Variants in BICC1 observed in about 807,000 individuals in gnomAD.
BICC1 encodes protein bicaudal C homolog 1.
In BICC1, 43 loss-of-function variants were observed where a neutral mutation model predicts 111.0. The observed-to-expected ratio is 0.39, with a 90% CI of 0.30 to 0.50. BICC1 has a LOEUF of 0.50. BICC1 is among the 20% of genes least tolerant of loss of function. BICC1 has a pLI of 0.88. For missense variants in BICC1, 1,091 were observed against 1,203.2 expected, an observed-to-expected ratio of 0.91 and a Z score of 1.38; for synonymous variants, 467 against 434.4, an observed-to-expected ratio of 1.07 and a Z score of -0.93.
At chr10:58,551,825 A>G (rs1843303042) in intron 1 of BICC1, among the ~76,000 whole-genome samples, 1 of 152,128 alleles carries the variant, frequency 6.6e-6, no homozygotes, top group Non-Finnish European at 1.5e-5. Flanking sequence ...TGCTGTTTTA[A>G]GTTGCTAAGT....
intron 2 of BICC1, among the ~76,000 whole-genome samples, chr10:58,676,428 G>T (rs1839343240): frequency 6.6e-6 from 1 of 152,168 alleles, no homozygotes; most frequent in African/African-American, 2.4e-5. Context: ...GGATGCTCGA[G>T]CTTGGTAGGG....
chr10:58,760,787 A>G (rs1256624723), intron 3 of BICC1, among the ~76,000 whole-genome samples: 2 of 152,104 alleles, frequency 1.3e-5, no homozygotes, highest in Non-Finnish European at 2.9e-5. Flanking sequence ...GGCTTTTTCT[A>G]ATGGGAGGAG....
intron 1 of BICC1, among the ~76,000 whole-genome samples, chr10:58,529,190 T>A (rs1052209131): frequency 4.0e-5 from 6 of 151,792 alleles, no homozygotes; most frequent in African/African-American, 1.4e-4. Flanking sequence ...AAGTAGGATC[T>A]TTTTGTCACA....
chr10:58,573,128 A>G lies in BICC1; in HGVS notation c.191-47727A>G, dbSNP rs548842763. Among the ~76,000 whole-genome samples the G allele has an allele frequency of 3.9e-5, 6 of 152,122 alleles. No homozygotes were observed. The South Asian group carries it at 8.3e-4, about 21-fold the overall frequency. On this transcript the variant is annotated intron_variant, in intron 1 of 20. Transcript: ENST00000373886. ...TGTTCTTCCTGCTTGGCTCTCTCCC[A>G]TTCTGCCTCTACTTTCTCTTCCCTC...
intron 2 of BICC1, among the ~76,000 whole-genome samples, chr10:58,686,926 C>T (rs10763578): frequency 0.69 from 104,516 of 152,130 alleles, 39,594 homozygotes; most frequent in East Asian, 0.88. Context: ...CGAGGAGGCG[C>T]GTTCTTTTTG....
At chr10:58,798,968 A>C in intron 11 of BICC1, 88 bp from the exon 12 acceptor site, 1 of 1,058,946 alleles carries the variant, frequency 9.4e-7, no homozygotes, top group Non-Finnish European at 1.3e-6. Context: ...AACTTGCAGC[A>C]ACAAAAATGA....
chr10:58,564,335 G>A (rs1649049), intron 1 of BICC1, among the ~76,000 whole-genome samples: 69,946 of 152,014 alleles, frequency 0.46, 17,154 homozygotes, highest in Admixed American at 0.62. Flanking sequence ...TGATCATGGT[G>A]TCTGAACCAG....
chr10:58,789,689 C>T lies in BICC1; in HGVS notation c.803C>T (p.Thr268Ile), dbSNP rs777414917. The change falls in exon 8 of 21, where the codon ACT becomes ATT. Residue 268 changes from threonine (T) to isoleucine (I), a missense_variant. Around this residue, in one of 3 missense-constraint regions of BICC1, gnomAD observed 843 missense variants for 900.8 expected, o/e 0.94. Coordinates refer to ENST00000373886, the MANE Select transcript of BICC1 (RefSeq NM_001080512.3). ...CCCACCCTTTTCTCTTAGGAAGGAA[C>T]TGCCATGCTGTTAGAACATCTTGCT... ...QNNTSAVKEG[T>I]AMLLEHLAGS... The T allele has an allele frequency of 2.5e-6, 4 of 1,614,096 alleles. No homozygotes were observed. Among genetic ancestry groups the T allele is most frequent in the South Asian group, 2.2e-5 (2 of 91,070 alleles).
chr10:58,525,999 T>TC (rs1842531115), intron 1 of BICC1, among the ~76,000 whole-genome samples: 1 of 151,954 alleles, frequency 6.6e-6, no homozygotes, highest in East Asian at 2.0e-4. Context: ...GGCTTTTTTT[T>TC]CTTCGTGACT....
chr10:58,636,581 TCTCCTC>T (rs200677624), intron 2 of BICC1, among the ~76,000 whole-genome samples: 121 of 149,264 alleles, frequency 8.1e-4, no homozygotes, highest in East Asian at 7.7e-3. Context: ...CACATCATTG[TCTCCTC>T]CTCCTCCTCC....
intron 10 of BICC1, among the ~76,000 whole-genome samples, 153 bp downstream of exon 10, chr10:58,796,679 C>A (rs1401693699): frequency 6.6e-6 from 1 of 151,998 alleles, no homozygotes; most frequent in Non-Finnish European, 1.5e-5. Flanking sequence ...TGAATCAATC[C>A]ATTTTGGGGT....
At chr10:58,646,127 T>C (rs549355877) in intron 2 of BICC1, among the ~76,000 whole-genome samples, 1 of 152,290 alleles carries the variant, frequency 6.6e-6, no homozygotes, top group South Asian at 2.1e-4. Context: ...TATTTTTTGT[T>C]TGTTCATTCG....
rs141861504 is a variant in BICC1, at chr10:58,596,126, C to A, written c.191-24729C>A. Among the ~76,000 whole-genome samples the A allele has an allele frequency of 2.4e-4, 37 of 152,310 alleles. No homozygotes were observed. The East Asian group carries it at 6.7e-3, about 28-fold the overall frequency. ...AAAATCTAGAAGAAATGGACAAATT[C>A]TTGGACACATACACCCTCCCAAGGC... On this transcript the variant is annotated intron_variant, in intron 1 of 20. Transcript: ENST00000373886.
At chr10:58,785,325 CAT>C (rs1842981140) in intron 4 of BICC1, among the ~76,000 whole-genome samples, 1 of 152,056 alleles carries the variant, frequency 6.6e-6, no homozygotes, top group Non-Finnish European at 1.5e-5. Context: ...CATCTACATA[CAT>C]ATATATGTAT....
At chr10:58,817,277 C>T (rs553050643) in intron 18 of BICC1, among the ~76,000 whole-genome samples, 18 of 152,264 alleles carry the variant, frequency 1.2e-4, no homozygotes, top group African/African-American at 4.3e-4. Context: ...CTTCTGACTA[C>T]TCAGGGAGAA....
chr10:58,634,658 A>G (rs541689912), intron 2 of BICC1, among the ~76,000 whole-genome samples: 2 of 152,248 alleles, frequency 1.3e-5, no homozygotes, highest in African/African-American at 4.8e-5. Context: ...TTTACTCTTG[A>G]ACAACACAGT....
chr10:58,800,758 A>G (rs537579504), intron 13 of BICC1, 132 bp from the exon 14 acceptor site: 421 of 868,044 alleles, frequency 4.8e-4, no homozygotes, highest in Non-Finnish European at 6.6e-4. Flanking sequence ...TTCTTTGCAG[A>G]TGGAAGAGGT....
chr10:58,741,894 T>C lies in BICC1; in HGVS notation c.307+39751T>C, dbSNP rs991797319. On this transcript the variant is annotated intron_variant, in intron 3 of 20. Transcript: ENST00000373886. ...TTGAACCAGCAATAGGAAACTTGAATACCGAAGCAGTTTTGGTTTTGTTTT... is the reference window on the plus strand; with the variant it reads ...TTGAACCAGCAATAGGAAACTTGAACACCGAAGCAGTTTTGGTTTTGTTTT... Among the ~76,000 whole-genome samples the C allele has an allele frequency of 2.0e-5, 3 of 152,196 alleles. No individual in the cohort carries two copies. In the South Asian group the frequency reaches 6.2e-4, roughly 32 times the overall value.
chr10:58,594,784 A>G (rs904134257), intron 1 of BICC1, among the ~76,000 whole-genome samples: 1 of 152,240 alleles, frequency 6.6e-6, no homozygotes, highest in African/African-American at 2.4e-5. Flanking sequence ...TGAAATTGTA[A>G]AGACCATCGA....
Sources: gnomAD v4.1 joint callset for allele counts (sites outside exome capture counted in the v4.1 genomes callset) on GRCh38, gnomAD v4.1.1 for gene constraint, gnomAD v4.1.1 regional missense constraint, MANE v1.5 for transcripts, NCBI Gene and HGNC (gene_info 2026-07-23, HGNC 2026-07-21) for gene names.